SYN2: variants seen among roughly 807,000 people sequenced by gnomAD.
The protein encoded by SYN2 is synapsin II.
SYN2 carries 19 observed loss-of-function variants against 50.9 expected under a neutral mutation model. The ratio of observed to expected loss-of-function variants is 0.37; its 90% CI spans 0.26 to 0.55. The LOEUF (loss-of-function observed/expected upper bound fraction) is 0.55. Among genes scored for constraint, SYN2 ranks in the 20% least tolerant of loss-of-function variants. The probability of loss-of-function intolerance (pLI) is 0.81; values close to 1 mark genes in which losing one functional copy is unlikely to be tolerated. For missense variants in SYN2, 587 were observed against 576.4 expected, an observed-to-expected ratio of 1.02 and a Z score of -0.19; for synonymous variants, 255 against 224.9, an observed-to-expected ratio of 1.13 and a Z score of -1.20.
Position 12,004,541 on chromosome 3 carries a change from C to G in SYN2, c.-11C>G, listed in dbSNP as rs1242859733. 1 of 642,048 alleles carries G rather than the reference C, an allele frequency of 1.6e-6. No individual in the cohort carries two copies. Among genetic ancestry groups the G allele is most frequent in the African/African-American group, 1.9e-5 (1 of 52,594 alleles). The allele number at this position is 642,048 out of a possible 1,614,324, so 39.8% of individuals were successfully genotyped here. ...CCCGTAGCCCCGCGCGCCCCCAGCCCTTTAAGCCAGATGATGAACTTCCTG... is the reference window on the plus strand; with the variant it reads ...CCCGTAGCCCCGCGCGCCCCCAGCCGTTTAAGCCAGATGATGAACTTCCTG... On this transcript the variant is annotated 5_prime_UTR_variant, in exon 1 of 13. Coordinates refer to ENST00000621198, the MANE Select transcript of SYN2 (RefSeq NM_133625.6).
rs757187165 is a variant in SYN2 at position 12,004,671 on chromosome 3, C to A, written c.120C>A (p.Pro40=). ...AGCAGCCGCCGCCGCCGCCGCCCCC[C>A]GGTCCGGGCGCCGCCTCGGCCTCGG... The part of the protein sequence containing the change: ...EPQQPPPPPP[P]GPGAASASAA... The change falls in exon 1 of 13, where the codon CCC becomes CCA. Residue 40 remains proline (P), a synonymous_variant. Transcript: ENST00000621198. 3.1e-5 allele frequency: 9 copies of A among 292,834 alleles called. No homozygotes were observed. Among genetic ancestry groups the A allele is most frequent in the Non-Finnish European group, 4.5e-5 (7 of 155,240 alleles). The allele number at this position is 292,834 out of a possible 1,614,324, so 18.1% of individuals were successfully genotyped here. A position where few individuals can be genotyped will look rare whatever the true frequency, so the allele number is the denominator to read the frequency against.
chr3:12,053,481 A>T (rs1216112831), intron 1 of SYN2, among the ~76,000 whole-genome samples: 1 of 151,934 alleles, frequency 6.6e-6, no homozygotes, highest in African/African-American at 2.4e-5. Context: ...ATTCTGATTG[A>T]TCCTTCTTTC....
At chr3:12,039,548 GATTTTT>G (rs1694567160) in intron 1 of SYN2, among the ~76,000 whole-genome samples, 1 of 63,558 alleles carries the variant, frequency 1.6e-5, no homozygotes, top group Non-Finnish European at 2.9e-5. Context: ...AAGAAGCAAA[GATTTTT>G]TTTTTTTTTT....
intron 1 of SYN2, among the ~76,000 whole-genome samples, chr3:12,057,255 G>T: frequency 6.6e-6 from 1 of 151,408 alleles, no homozygotes; most frequent in South Asian, 2.1e-4. Context: ...TCGTGCCACT[G>T]CACTCCAACC....
chr3:12,132,872 A>G (rs933510935), intron 1 of SYN2, among the ~76,000 whole-genome samples: 1 of 152,112 alleles, frequency 6.6e-6, no homozygotes, highest in Non-Finnish European at 1.5e-5. Context: ...TCAGGAAACA[A>G]TTTTCTGTCA....
chr3:12,049,736 A>T (rs1694814640), intron 1 of SYN2, among the ~76,000 whole-genome samples: 1 of 152,028 alleles, frequency 6.6e-6, no homozygotes, highest in Non-Finnish European at 1.5e-5. Context: ...CTTCTCTTTT[A>T]TTCATTTATA....
At chr3:12,083,441 A>C (rs901436228) in intron 1 of SYN2, among the ~76,000 whole-genome samples, 3 of 152,160 alleles carry the variant, frequency 2.0e-5, no homozygotes, top group African/African-American at 4.8e-5. Flanking sequence ...TTAGCTTCCT[A>C]CCTAGGGTTG....
intron 1 of SYN2, among the ~76,000 whole-genome samples, chr3:12,103,786 A>G (rs890615423): frequency 6.6e-6 from 1 of 152,314 alleles, no homozygotes; most frequent in African/African-American, 2.4e-5. Flanking sequence ...ACTGGACTCA[A>G]AATATTAACA....
chr3:12,156,158 C>G (rs1352205230), intron 5 of SYN2, among the ~76,000 whole-genome samples: 2 of 152,208 alleles, frequency 1.3e-5, no homozygotes, highest in African/African-American at 2.4e-5. Flanking sequence ...GTTCCCTCCC[C>G]CACTGCTGTG....
At chr3:12,140,513 G>C (rs1696989996) in intron 1 of SYN2, 138 bp from the exon 2 acceptor site, 1 of 687,582 alleles carries the variant, frequency 1.5e-6, no homozygotes. Flanking sequence ...TCTCATAGCA[G>C]AATGTGGATC....
chr3:12,176,459 T>G (rs1173921254), intron 10 of SYN2, among the ~76,000 whole-genome samples: 1 of 152,242 alleles, frequency 6.6e-6, no homozygotes, highest in Non-Finnish European at 1.5e-5. Flanking sequence ...GCCCCTCATT[T>G]ATGCCACAGA....
At chr3:12,112,960 G>A (rs1294285346) in intron 1 of SYN2, among the ~76,000 whole-genome samples, 1 of 152,186 alleles carries the variant, frequency 6.6e-6, no homozygotes, top group Non-Finnish European at 1.5e-5. Context: ...TGTAGAGTAG[G>A]TAAGACTTGA....
At position 12,004,400 on chromosome 3, in the gene SYN2, C is replaced by T. The variant is rs1693732041; in HGVS notation, c.-152C>T. 4.8e-6 allele frequency: 1 copy of T among 206,786 alleles called. No homozygotes were observed. Among genetic ancestry groups the T allele is most frequent in the Non-Finnish European group, 9.9e-6 (1 of 101,384 alleles). 12.8% of individuals were successfully genotyped at this position (206,786 alleles called of 1,614,324 possible). On this transcript the variant is annotated 5_prime_UTR_variant, in exon 1 of 13. Coordinates refer to ENST00000621198, the MANE Select transcript of SYN2 (RefSeq NM_133625.6). ...GGTTGCCTGGCCCAGACCGCCGCTGCTGTCTGCGGGGTCTGGTGCCGGGGC... is the reference window on the plus strand; with the variant it reads ...GGTTGCCTGGCCCAGACCGCCGCTGTTGTCTGCGGGGTCTGGTGCCGGGGC...
intron 1 of SYN2, among the ~76,000 whole-genome samples, chr3:12,008,604 C>T (rs1693849506): frequency 6.6e-6 from 1 of 152,090 alleles, no homozygotes; most frequent in African/African-American, 2.4e-5. Context: ...GAAGGATATG[C>T]CATTAGTGCT....
At chr3:12,159,140 G>A (rs912180370) in intron 5 of SYN2, 8 of 401,476 alleles carry the variant, frequency 2.0e-5, no homozygotes, top group Non-Finnish European at 3.5e-5. Flanking sequence ...AGCACTGGGA[G>A]AGGGGATGGT....
chr3:12,020,468 CCTGGCCCT>C (rs1198192521), intron 1 of SYN2, among the ~76,000 whole-genome samples: 5 of 151,910 alleles, frequency 3.3e-5, no homozygotes, highest in African/African-American at 9.7e-5. Context: ...ATTTGAAGCA[CCTGGCCCT>C]CTGACTCGGG....
chr3:12,032,010 G>A (rs966573080), intron 1 of SYN2, among the ~76,000 whole-genome samples: 4 of 146,280 alleles, frequency 2.7e-5, no homozygotes, highest in East Asian at 2.0e-4. Context: ...ATTTTGCAGC[G>A]GCTGGTACCG....
chr3:12,185,084 G>A (rs1422883667), intron 11 of SYN2: 40 of 985,712 alleles, frequency 4.1e-5, no homozygotes, highest in Non-Finnish European at 4.8e-5. Flanking sequence ...GAGTGTGAAT[G>A]TTGTCATCTG....
At chr3:12,164,306 T>C (rs1367985267) in intron 7 of SYN2, among the ~76,000 whole-genome samples, 1 of 152,154 alleles carries the variant, frequency 6.6e-6, no homozygotes, top group Non-Finnish European at 1.5e-5. Context: ...AAAAACAACT[T>C]AAACTGAAGC....
Sources: allele counts gnomAD v4.1 joint callset (sites outside exome capture counted in the v4.1 genomes callset), GRCh38; gene constraint gnomAD v4.1.1; transcripts MANE v1.5; gene names NCBI Gene and HGNC (gene_info 2026-07-23, HGNC 2026-07-21).